ADAMTS16: variants seen among roughly 807,000 people sequenced by gnomAD.
ADAMTS16 encodes the protein ADAM metallopeptidase with thrombospondin type 1 motif 16.
In ADAMTS16, 94 loss-of-function variants were observed where a neutral mutation model predicts 145.8. The observed-to-expected ratio is 0.64, with a 90% CI of 0.55 to 0.77. The LOEUF (loss-of-function observed/expected upper bound fraction) is 0.77, where lower values mean the gene tolerates loss of function less well. Among genes scored for constraint, ADAMTS16 ranks in the 30% least tolerant of loss-of-function variants. The pLI is 0.00. For missense variants in ADAMTS16, 1,585 were observed against 1,591.5 expected, an observed-to-expected ratio of 1.00 and a Z score of 0.07; for synonymous variants, 659 against 604.3, an observed-to-expected ratio of 1.09 and a Z score of -1.33.
chr5:5,281,375 A>T (rs1171589732), intron 18 of ADAMTS16, among the ~76,000 whole-genome samples: 1 of 152,260 alleles, frequency 6.6e-6, no homozygotes, highest in African/African-American at 2.4e-5. Flanking sequence ...TATCAAAATA[A>T]ATCTCATTTT....
chr5:5,156,089 A>C (rs546033193), intron 3 of ADAMTS16, among the ~76,000 whole-genome samples: 1 of 152,166 alleles, frequency 6.6e-6, no homozygotes, highest in South Asian at 2.1e-4. Context: ...CCTTCCTTAG[A>C]CTGTCCGCAT....
chr5:5,319,691 T>TCTTACCAGGAAC lies in ADAMTS16; in HGVS notation c.*556_*567dup. On this transcript the variant is annotated 3_prime_UTR_variant, in exon 23 of 23. Coordinates refer to ENST00000274181, the MANE Select transcript of ADAMTS16 (RefSeq NM_139056.4). ...TCCTCCTCCCCAGCGGCCGAGCATC[T>TCTTACCAGGAAC]CTTACCAGGAACCTGGAGCCACCGC... 2.8e-6 allele frequency: 1 copy of TCTTACCAGGAAC among 358,140 alleles called. No individual in the cohort carries two copies. Among genetic ancestry groups the TCTTACCAGGAAC allele is most frequent in the South Asian group, 2.2e-5 (1 of 45,836 alleles). The allele number at this position is 358,140 out of a possible 1,614,324, so 22.2% of individuals were successfully genotyped here.
chr5:5,225,969 G>T (rs1173769996), intron 11 of ADAMTS16, among the ~76,000 whole-genome samples: 1 of 152,140 alleles, frequency 6.6e-6, no homozygotes, highest in African/African-American at 2.4e-5. Flanking sequence ...CTCTGTTTTA[G>T]GGTAAAGATT....
chr5:5,306,910 G>A (rs1312454235), intron 21 of ADAMTS16, among the ~76,000 whole-genome samples, 182 bp downstream of exon 21: 2 of 152,206 alleles, frequency 1.3e-5, no homozygotes, highest in African/African-American at 4.8e-5. Flanking sequence ...GTGGCTTTCT[G>A]AGGATGGTCT....
chr5:5,220,168 T>G (rs952182294), intron 10 of ADAMTS16, among the ~76,000 whole-genome samples: 24 of 147,768 alleles, frequency 1.6e-4, no homozygotes, highest in African/African-American at 2.3e-4. Flanking sequence ...TTTTTTTTTT[T>G]TTTTTTTTTG....
chr5:5,270,771 T>C (rs1738437598), intron 18 of ADAMTS16, among the ~76,000 whole-genome samples: 2 of 152,218 alleles, frequency 1.3e-5, no homozygotes, highest in Non-Finnish European at 2.9e-5. Context: ...TTTTTGTTCC[T>C]GATTAAATGT....
intron 18 of ADAMTS16, among the ~76,000 whole-genome samples, chr5:5,270,844 C>T (rs939070038): frequency 1.3e-5 from 2 of 152,110 alleles, no homozygotes; most frequent in African/African-American, 4.8e-5. Flanking sequence ...TGAATTCTGC[C>T]TCCCTGAGAG....
At chr5:5,187,409 G>A (rs1400410673) in intron 5 of ADAMTS16, among the ~76,000 whole-genome samples, 1 of 152,114 alleles carries the variant, frequency 6.6e-6, no homozygotes, top group Non-Finnish European at 1.5e-5. Flanking sequence ...CTTGCCAGGA[G>A]AGCTTGAGAA....
At position 5,288,787 on chromosome 5, in the gene ADAMTS16, G is replaced by A. The variant is rs561407394; in HGVS notation, c.2790-14481G>A. Among the ~76,000 whole-genome samples the A allele has an allele frequency of 4.6e-5, 7 of 152,280 alleles. No homozygotes were observed. The South Asian group carries it at 1.5e-3, about 32-fold the overall frequency. ...CTGACAAGCCAGCCTTGTAGAAATT[G>A]TATTTATCTGGGAGCAATGCAGCAT... On this transcript the variant is annotated intron_variant, in intron 18 of 22. Transcript: ENST00000274181.
At chr5:5,164,205 C>T (rs1233932446) in intron 3 of ADAMTS16, among the ~76,000 whole-genome samples, 1 of 152,156 alleles carries the variant, frequency 6.6e-6, no homozygotes, top group East Asian at 1.9e-4. Context: ...GCTGGGAACC[C>T]ACAAGTGAAA....
intron 21 of ADAMTS16, among the ~76,000 whole-genome samples, chr5:5,307,780 G>A (rs533775756): frequency 3.3e-5 from 5 of 152,274 alleles, no homozygotes; most frequent in African/African-American, 1.2e-4. Flanking sequence ...CTAGTGAGAG[G>A]CACAAGCTCA....
rs375536086 is a variant in ADAMTS16, at chr5:5,251,864, T to C, written c.2662+9673T>C. On this transcript the variant is annotated intron_variant, in intron 17 of 22. Coordinates refer to ENST00000274181, the MANE Select transcript of ADAMTS16 (RefSeq NM_139056.4). ...GGGCCAAGTACTCGGTGCTTTTTTT[T>C]TCTTTTTTTTGAGACAGAGTCTCAC... Among the ~76,000 whole-genome samples the C allele has an allele frequency of 9.9e-4, 151 of 152,270 alleles. 1 individual carries two copies. The South Asian group carries it at 0.024, about 24-fold the overall frequency.
chr5:5,295,040 A>G (rs1451020679), intron 18 of ADAMTS16, among the ~76,000 whole-genome samples: 4 of 152,210 alleles, frequency 2.6e-5, no homozygotes, highest in African/African-American at 9.6e-5. Flanking sequence ...TGAAACATTT[A>G]TTTTCACTTA....
intron 10 of ADAMTS16, among the ~76,000 whole-genome samples, chr5:5,222,057 C>A (rs1475204583): frequency 6.6e-6 from 1 of 152,212 alleles, no homozygotes; most frequent in Admixed American, 6.5e-5. Flanking sequence ...CTACTGTTTG[C>A]CCTTCATTGA....
chr5:5,301,678 C>T (rs1284274870), intron 18 of ADAMTS16, among the ~76,000 whole-genome samples: 2 of 152,172 alleles, frequency 1.3e-5, no homozygotes, highest in Non-Finnish European at 1.5e-5. Flanking sequence ...CTGAGGGTGA[C>T]TGTGGGGTTC....
chr5:5,140,345 G>A lies in ADAMTS16; in HGVS notation c.-123G>A, dbSNP rs1734116114. On this transcript the variant is annotated 5_prime_UTR_variant, in exon 1 of 23. Transcript: ENST00000274181. ...ACGGAGCTTCAGTAATAACCCCGGCGCGGCGGCGGAGTCGCTGTGGGGAAT... is the reference window on the plus strand; with the variant it reads ...ACGGAGCTTCAGTAATAACCCCGGCACGGCGGCGGAGTCGCTGTGGGGAAT... The A allele has an allele frequency of 1.0e-6, 1 of 990,948 alleles. No individual in the cohort carries two copies. The highest frequency in any genetic ancestry group is 2.0e-5 in the South Asian group (1 of 49,768). 61.4% of individuals were successfully genotyped at this position (990,948 alleles called of 1,614,324 possible). A position where few individuals can be genotyped will look rare whatever the true frequency, so the allele number is the denominator to read the frequency against.
At chr5:5,157,530 C>CATCTGGT (rs1202524864) in intron 3 of ADAMTS16, among the ~76,000 whole-genome samples, 2 of 152,074 alleles carry the variant, frequency 1.3e-5, no homozygotes, top group Non-Finnish European at 2.9e-5. Context: ...TGACATGATG[C>CATCTGGT]ATCTGGTGGC....
chr5:5,298,934 C>T (rs1276998401), intron 18 of ADAMTS16, among the ~76,000 whole-genome samples: 1 of 152,106 alleles, frequency 6.6e-6, no homozygotes, highest in Non-Finnish European at 1.5e-5. Flanking sequence ...ACCCATACAG[C>T]AGCTTGCGGA....
chr5:5,196,237 C>A (rs370151631), intron 8 of ADAMTS16, among the ~76,000 whole-genome samples: 325 of 95,002 alleles, frequency 3.4e-3, no homozygotes, highest in South Asian at 3.6e-3. Context: ...GCCTCCATCT[C>A]AAAAAAAAAA....
Sources: allele counts gnomAD v4.1 joint callset (sites outside exome capture counted in the v4.1 genomes callset), GRCh38; gene constraint gnomAD v4.1.1; transcripts MANE v1.5; gene names NCBI Gene and HGNC (gene_info 2026-07-23, HGNC 2026-07-21).